The following HS2ST1 variants were observed in gnomAD, a reference collection of about 807,000 sequenced individuals.
HS2ST1 encodes 2-O-sulfotransferase.
In HS2ST1, 18 loss-of-function variants were observed where a neutral mutation model predicts 42.9. The observed-to-expected ratio is 0.42, with a 90% confidence interval of 0.29 to 0.62. The LOEUF (loss-of-function observed/expected upper bound fraction) is 0.62, where lower values mean the gene tolerates loss of function less well. Among genes scored for constraint, HS2ST1 ranks in the 20% least tolerant of loss-of-function variants. The probability of loss-of-function intolerance (pLI) is 0.21; values close to 1 mark genes in which losing one functional copy is unlikely to be tolerated. For synonymous variants in HS2ST1, 146 were observed against 152.9 expected (o/e 0.95, Z 0.33); for missense variants, 334 against 433.8 (o/e 0.77, Z 2.04).
At chr1:86,966,559 T>A (rs965937868) in intron 1 of HS2ST1, among the ~76,000 whole-genome samples, 1 of 152,250 alleles carries the variant, frequency 6.6e-6, no homozygotes, top group East Asian at 1.9e-4. Context: ...AAATAAAACT[T>A]TAATATGAAC....
Position 87,107,995 on chromosome 1 carries a change from G to A in HS2ST1, c.*3299G>A, listed in dbSNP as rs912007708. On this transcript the variant is annotated 3_prime_UTR_variant, in exon 7 of 7. Coordinates refer to ENST00000370550, the MANE Select transcript of HS2ST1 (RefSeq NM_012262.4). ...AACTTAATGATTTTTATAATTTTCTGATCTTAAAATTTGGTTAATGCCTAT... is the reference window on the plus strand; with the variant it reads ...AACTTAATGATTTTTATAATTTTCTAATCTTAAAATTTGGTTAATGCCTAT... The A allele has an allele frequency of 6.6e-6, 1 of 151,958 alleles. No homozygotes were observed. The highest frequency in any genetic ancestry group is 1.9e-4 in the East Asian group (1 of 5,202). 9.4% of individuals were successfully genotyped at this position (151,958 alleles called of 1,614,324 possible).
chr1:87,008,953 C>T (rs1382268691), intron 1 of HS2ST1, among the ~76,000 whole-genome samples: 1 of 152,144 alleles, frequency 6.6e-6, no homozygotes, highest in Non-Finnish European at 1.5e-5. Context: ...AAGTGATCCG[C>T]CTGCCTCAGC....
chr1:86,997,218 G>A (rs1287362625), intron 1 of HS2ST1, among the ~76,000 whole-genome samples: 1 of 152,122 alleles, frequency 6.6e-6, no homozygotes, highest in African/African-American at 2.4e-5. Context: ...GGTGAGAGGA[G>A]AACTGCAGAG....
chr1:86,915,802 C>T (rs1448052135), intron 1 of HS2ST1, among the ~76,000 whole-genome samples: 1 of 152,096 alleles, frequency 6.6e-6, no homozygotes, highest in East Asian at 1.9e-4. Flanking sequence ...AAATGAGGGT[C>T]CGGAGATTTA....
At chr1:87,004,888 A>G (rs954943087) in intron 1 of HS2ST1, among the ~76,000 whole-genome samples, 21 of 152,236 alleles carry the variant, frequency 1.4e-4, no homozygotes, top group African/African-American at 5.1e-4. Flanking sequence ...AAATTTCTAC[A>G]AATGGTAACA....
chr1:87,067,465 T>C (rs942869398), intron 1 of HS2ST1, among the ~76,000 whole-genome samples: 5 of 152,212 alleles, frequency 3.3e-5, no homozygotes, highest in African/African-American at 1.2e-4. Flanking sequence ...ATTCTGGGTA[T>C]TAGCCCTTTG....
chr1:86,979,046 G>T (rs1648506159), intron 1 of HS2ST1, among the ~76,000 whole-genome samples: 1 of 151,716 alleles, frequency 6.6e-6, no homozygotes, highest in Non-Finnish European at 1.5e-5. Context: ...TGTAGAGATG[G>T]GGTTTTGCCA....
intron 1 of HS2ST1, among the ~76,000 whole-genome samples, chr1:86,963,855 C>T (rs1296382898): frequency 1.4e-5 from 2 of 147,668 alleles, no homozygotes; most frequent in East Asian, 4.1e-4. Flanking sequence ...ACCTCCCGCC[C>T]GGACGGGGTG....
chr1:86,956,260 A>AT (rs1455827400), intron 1 of HS2ST1, among the ~76,000 whole-genome samples: 1 of 152,238 alleles, frequency 6.6e-6, no homozygotes, highest in Non-Finnish European at 1.5e-5. Context: ...AAAATTCCAG[A>AT]TTAAAAAAAG....
chr1:86,993,011 T>C, intron 1 of HS2ST1: 5 of 1,511,596 alleles, frequency 3.3e-6, no homozygotes, highest in Non-Finnish European at 4.5e-6. Flanking sequence ...CCTCCCAGTG[T>C]GGGGAGGGTA....
chr1:87,101,149 G>GTTGT (rs1652190410), intron 5 of HS2ST1, among the ~76,000 whole-genome samples: 1 of 59,540 alleles, frequency 1.7e-5, no homozygotes, highest in Non-Finnish European at 3.0e-5. Flanking sequence ...GTGTGTGTGT[G>GTTGT]TTTTTTGTTT....
intron 1 of HS2ST1, among the ~76,000 whole-genome samples, chr1:87,051,101 A>AATATATATATTTTTATT (rs149537323): frequency 0.044 from 6,664 of 152,122 alleles, 473 homozygotes; most frequent in African/African-American, 0.15. Flanking sequence ...TTATTAAGCA[A>AATATATATATTTTTATT]ATTTGTGTGT....
chr1:87,046,461 G>T, intron 1 of HS2ST1: 1 of 1,028,174 alleles, frequency 9.7e-7, no homozygotes, highest in Admixed American at 1.7e-5. Flanking sequence ...GACATTAAAC[G>T]TATTTCCACT....
At chr1:87,001,956 A>T (rs1365177666) in intron 1 of HS2ST1, among the ~76,000 whole-genome samples, 1 of 146,364 alleles carries the variant, frequency 6.8e-6, no homozygotes, top group East Asian at 2.0e-4. Context: ...TGTGTTGCCC[A>T]GGCTGTAGTG....
chr1:87,093,986 ATTAT>A (rs1170592423), intron 4 of HS2ST1, among the ~76,000 whole-genome samples: 3 of 152,112 alleles, frequency 2.0e-5, no homozygotes. Context: ...ATCTCTCAGC[ATTAT>A]TTAATCTTCT....
chr1:86,945,009 A>G (rs7546436), intron 1 of HS2ST1, among the ~76,000 whole-genome samples: 3 of 152,042 alleles, frequency 2.0e-5, no homozygotes, highest in South Asian at 2.1e-4. Context: ...ACTAGTGTGT[A>G]TTATCTCTTA....
At position 86,985,383 on chromosome 1, in the gene HS2ST1, TAC is replaced by T. The variant is rs1318154258; in HGVS notation, c.124+70239_124+70240del. ...AAAAAAAAAAGTATATATATATATA[TAC>T]ACACACACACACACATATATATACA... On this transcript the variant is annotated intron_variant, in intron 1 of 6. Coordinates refer to ENST00000370550, the MANE Select transcript of HS2ST1 (RefSeq NM_012262.4). 1.3e-4 allele frequency among the ~76,000 whole-genome samples: 6 copies of T among 44,702 alleles called. 2 individuals carry two copies. Among genetic ancestry groups the T allele is most frequent in the African/African-American group, 3.1e-4 (6 of 19,672 alleles). 29.3% of individuals were successfully genotyped at this position (44,702 alleles called of 152,430 possible).
rs771371741 is a variant in HS2ST1 at position 87,104,457 on chromosome 1, C to T, written c.845-13C>T. 15 of 1,528,828 alleles carry T rather than the reference C, an allele frequency of 9.8e-6. No individual in the cohort carries two copies. The highest frequency in any genetic ancestry group is 1.3e-5 in the Non-Finnish European group (15 of 1,112,610). The allele number at this position is 1,528,828 out of a possible 1,614,324, so 94.7% of individuals were successfully genotyped here. A position where few individuals can be genotyped will look rare whatever the true frequency, so the allele number is the denominator to read the frequency against. On this transcript the variant is annotated splice_polypyrimidine_tract_variant and intron_variant, in intron 6 of 6. Coordinates refer to ENST00000370550, the MANE Select transcript of HS2ST1 (RefSeq NM_012262.4). ...ATTATTTACCTTTCCTTTTTTTCCC[C>T]CTTTGTAAGTAGGAAAGAAATCTCA...
chr1:86,961,753 G>T (rs1647850451), intron 1 of HS2ST1, among the ~76,000 whole-genome samples: 1 of 152,060 alleles, frequency 6.6e-6, no homozygotes, highest in South Asian at 2.1e-4. Flanking sequence ...TACTCCATTA[G>T]GTAATCATTC....
Sources: gnomAD v4.1 joint callset for allele counts (sites outside exome capture counted in the v4.1 genomes callset) on GRCh38, gnomAD v4.1.1 for gene constraint, MANE v1.5 for transcripts, NCBI Gene and HGNC (gene_info 2026-07-23, HGNC 2026-07-21) for gene names.